KEL: variants seen among roughly 807,000 people sequenced by gnomAD.
KEL encodes the protein Kell metallo-endopeptidase (Kell blood group), also known as kell blood group glycoprotein.
A neutral mutation model predicts 99.5 loss-of-function variants in KEL; 96 were observed. That is an observed-to-expected ratio of 0.97 (90% confidence interval 0.82 to 1.14). The LOEUF (loss-of-function observed/expected upper bound fraction) is 1.14, where lower values mean the gene tolerates loss of function less well. KEL is among the 50% of genes most tolerant of loss of function. KEL has a pLI of 0.00. For synonymous variants in KEL, 355 were observed against 354.8 expected, an observed-to-expected ratio of 1.00 and a Z score of -0.01; for missense variants, 926 against 924.2, an observed-to-expected ratio of 1.00 and a Z score of -0.03.
In KEL at chr7:142,942,513, A is replaced by G. The variant is rs1426708133; in HGVS notation, c.1958T>C (p.Leu653Pro). 6.2e-7 allele frequency: 1 copy of G among 1,608,988 alleles called. No homozygotes were observed. The highest frequency in any genetic ancestry group is 2.2e-5 in the East Asian group (1 of 44,814). ...AIALQAYSKR[L>P]LRHHGETVLP... is the part of the protein sequence containing the mutation. The stretch of plus-strand genomic sequence containing the variant: ...GACAGTCTCCCCATGGTGCCGTAAC[A>G]GCCTCTTGCTGTATGCCTGGGTAGG... Residue 653 changes from leucine (L) to proline (P), a missense_variant, in exon 18 of 19, where the codon CTG (leucine) becomes CCG (proline). Transcript: ENST00000355265.
chr7:142,954,671 A>G (rs1796783341), intron 6 of KEL, 144 bp from the exon 7 acceptor site: 1 of 784,584 alleles, frequency 1.3e-6, no homozygotes, highest in Non-Finnish European at 2.3e-6. Context: ...GTACAAAGAA[A>G]GGGAGGGATT....
chr7:142,946,652 A>G, intron 10 of KEL: 2 of 370,396 alleles, frequency 5.4e-6, no homozygotes, highest in East Asian at 5.5e-5. Context: ...CGGCAGTCTG[A>G]TGTTCCCCCT....
At position 142,943,289 on chromosome 7, in the gene KEL, G is replaced by A. The variant is rs1022273157; in HGVS notation, c.1758C>T (p.Ile586=). Residue 586 remains isoleucine, a synonymous_variant, in exon 16 of 19, where the codon ATC becomes ATT. Transcript: ENST00000355265. ...GSIMAHELLH[I]FYQLLLPGGC... ...CCTGTTACCCACAGAGCTGGTAGAA[G>A]ATGTGCAACAGCTCGTGGGCCATGA... The A allele has an allele frequency of 6.2e-7, 1 of 1,613,868 alleles. No homozygotes were observed. The highest frequency in any genetic ancestry group is 1.3e-5 in the African/African-American group (1 of 74,944).
At chr7:142,947,341 TC>T (rs1440932019) in intron 10 of KEL, among the ~76,000 whole-genome samples, 21 of 151,910 alleles carry the variant, frequency 1.4e-4, no homozygotes, top group Non-Finnish European at 4.4e-5. Context: ...ACTAATACTC[TC>T]CCCGCAGGAG....
At position 142,943,870 on chromosome 7, in the gene KEL, G is replaced by T; in HGVS notation, c.1505C>A (p.Ser502Ter). The T allele has an allele frequency of 6.2e-7, 1 of 1,613,964 alleles. No homozygotes were observed. Among genetic ancestry groups the T allele is most frequent in the African/African-American group, 1.3e-5 (1 of 75,030 alleles). ...GCTCAGGACAGACTGCAGGAAGCTC[G>T]ATCCAAGCTGTATCTGGGGAAGAGG... ...RQEYNDIQLG[S>*]SFLQSVLSCV... Residue 502 changes from serine (S) to a stop codon, truncating the protein, a stop_gained, in exon 14 of 19, where the codon TCG (serine) becomes TAG (stop). Coordinates refer to ENST00000355265, the MANE Select transcript of KEL (RefSeq NM_000420.3). LOFTEE classifies it high-confidence loss of function.
chr7:142,961,744 C>T (rs781473752), intron 2 of KEL, 51 bp downstream of exon 2: 25 of 1,493,234 alleles, frequency 1.7e-5, no homozygotes, highest in East Asian at 6.8e-5. Context: ...ATTTTAGAGC[C>T]GAGAGTGACA....
intron 5 of KEL, 108 bp downstream of exon 5, chr7:142,958,196 G>A: frequency 1.3e-6 from 2 of 1,510,862 alleles, no homozygotes; most frequent in Non-Finnish European, 9.2e-7. Context: ...GAAATTGGGG[G>A]GCCCTAGGAA....
intron 11 of KEL, 94 bp from the exon 12 acceptor site, chr7:142,944,835 G>C: frequency 2.1e-6 from 2 of 938,702 alleles, no homozygotes; most frequent in Non-Finnish European, 3.4e-6. Flanking sequence ...AAAGGGCTTG[G>C]CCCCAAGGAG....
At position 142,942,465 on chromosome 7, in the gene KEL, G is replaced by A; in HGVS notation, c.2006C>T (p.Pro669Leu). ...ATAGCTTCGAAAGAAGATCTGCTGGGGGCTGAGGTCCAGGCTGGGCAGGAC... is the reference window on the plus strand; with the variant it reads ...ATAGCTTCGAAAGAAGATCTGCTGGAGGCTGAGGTCCAGGCTGGGCAGGAC... Reference protein sequence around the residue: ...ETVLPSLDLSPQQIFFRSYAQ... With the variant: ...ETVLPSLDLSLQQIFFRSYAQ... The change falls in exon 18 of 19, where the codon CCC becomes CTC. Residue 669 changes from proline to leucine, a missense_variant. Pro to Leu is a moderately conservative substitution (Grantham distance 98). Coordinates refer to ENST00000355265, the MANE Select transcript of KEL (RefSeq NM_000420.3). 6.2e-7 allele frequency: 1 copy of A among 1,607,578 alleles called. No homozygotes were observed. Among genetic ancestry groups the A allele is most frequent in the Non-Finnish European group, 8.5e-7 (1 of 1,176,958 alleles).
At chr7:142,945,138 C>A (rs540812827) in intron 11 of KEL, among the ~76,000 whole-genome samples, 1 of 152,184 alleles carries the variant, frequency 6.6e-6, no homozygotes, top group Admixed American at 6.5e-5. Flanking sequence ...TTTAAACCGT[C>A]CACTCCCTCT....
intron 10 of KEL, among the ~76,000 whole-genome samples, chr7:142,952,110 T>C (rs945557640): frequency 6.6e-6 from 1 of 152,146 alleles, no homozygotes; most frequent in African/African-American, 2.4e-5. Context: ...TGGAATCAAC[T>C]AGACATAAGG....
chr7:142,949,112 T>TAAAC (rs1796608556), intron 10 of KEL, among the ~76,000 whole-genome samples: 1 of 152,216 alleles, frequency 6.6e-6, no homozygotes, highest in South Asian at 2.1e-4. Flanking sequence ...GTTATTAACT[T>TAAAC]AAACCCCTGT....
intron 9 of KEL, 36 bp downstream of exon 9, chr7:142,953,772 A>G (rs1389754324): frequency 6.2e-7 from 1 of 1,612,164 alleles, no homozygotes; most frequent in Non-Finnish European, 8.5e-7. Flanking sequence ...GCTCTCCTCC[A>G]TTTCCATGAT....
At chr7:142,959,877 T>A (rs1449322399) in intron 4 of KEL, among the ~76,000 whole-genome samples, 1 of 152,196 alleles carries the variant, frequency 6.6e-6, no homozygotes, top group Non-Finnish European at 1.5e-5. Flanking sequence ...CTCCCACTCT[T>A]TCCCCATCAA....
intron 18 of KEL, among the ~76,000 whole-genome samples, chr7:142,941,778 G>A (rs1420067719): frequency 1.3e-5 from 2 of 151,738 alleles, no homozygotes; most frequent in Non-Finnish European, 2.9e-5. Context: ...TGTCTGAAGA[G>A]GAATGTGGCA....
At chr7:142,942,166 T>A in intron 18 of KEL, 1 of 540,342 alleles carries the variant, frequency 1.9e-6, no homozygotes, top group Non-Finnish European at 3.3e-6. Context: ...AAAAAGTTGG[T>A]CTCCTCCTCT....
chr7:142,957,279 C>A (rs1050645533), intron 6 of KEL, among the ~76,000 whole-genome samples: 4 of 152,128 alleles, frequency 2.6e-5, no homozygotes, highest in Non-Finnish European at 5.9e-5. Flanking sequence ...GAGGAATATT[C>A]CTGGAAGCAG....
At chr7:142,951,127 T>C (rs1437972408) in intron 10 of KEL, among the ~76,000 whole-genome samples, 1 of 152,248 alleles carries the variant, frequency 6.6e-6, no homozygotes, top group Non-Finnish European at 1.5e-5. Flanking sequence ...AACTATTTGT[T>C]GGCAGAGATT....
Position 142,961,348 on chromosome 7 carries a change from G to A in KEL, c.223+12C>T, listed in dbSNP as rs775762935. On this transcript the variant is annotated intron_variant, in intron 3 of 18. Coordinates refer to ENST00000355265, the MANE Select transcript of KEL (RefSeq NM_000420.3). ...GGGCTGACTAGGTTAGGGGGTCTGG[G>A]ATCTTGCTTACGAGGGCCACAGTTC... 7.4e-6 allele frequency: 12 copies of A among 1,612,998 alleles called. No homozygotes were observed. Among genetic ancestry groups the A allele is most frequent in the Non-Finnish European group, 1.0e-5 (12 of 1,180,030 alleles).
Sources: gnomAD v4.1 joint callset for allele counts (sites outside exome capture counted in the v4.1 genomes callset) on GRCh38, gnomAD v4.1.1 for gene constraint, MANE v1.5 for transcripts, NCBI Gene and HGNC (gene_info 2026-07-23, HGNC 2026-07-21) for gene names.